TENM3: variants seen among roughly 807,000 people sequenced by gnomAD.
The protein encoded by TENM3 is teneurin transmembrane protein 3.
Under a neutral mutation model 255.1 loss-of-function variants are expected in TENM3, and 63 were observed. The ratio of observed to expected loss-of-function variants is 0.25; its 90% CI spans 0.20 to 0.30. The LOEUF (loss-of-function observed/expected upper bound fraction) is 0.30. Among genes scored for constraint, TENM3 ranks in the 10% least tolerant of loss-of-function variants. The pLI is 1.00. For synonymous variants in TENM3, 1,306 were observed against 1,322.3 expected (o/e 0.99, Z 0.27); for missense variants, 2,929 against 3,461.1 (o/e 0.85, Z 3.86).
the TENM3 span, among the ~76,000 whole-genome samples, chr4:181,962,284 A>T: frequency 6.6e-6 from 1 of 152,238 alleles, no homozygotes; most frequent in Non-Finnish European, 1.5e-5. Flanking sequence ...GTCAGCCAGG[A>T]TCCAAATTCC....
chr4:181,833,797 T>A, the TENM3 span, among the ~76,000 whole-genome samples: 1 of 152,158 alleles, frequency 6.6e-6, no homozygotes, highest in African/African-American at 2.4e-5. Flanking sequence ...GAGATTGGAA[T>A]TACTCGGTAA....
chr4:182,450,996 C>T (rs948585562), intron 3 of TENM3, among the ~76,000 whole-genome samples: 2 of 152,094 alleles, frequency 1.3e-5, no homozygotes, highest in Admixed American at 1.3e-4. Flanking sequence ...TGTGAATGGA[C>T]GTATTTCCAG....
In TENM3 at chr4:182,796,738, G is replaced by C; in HGVS notation, c.7315G>C (p.Val2439Leu). 1.2e-6 allele frequency: 2 copies of C among 1,610,786 alleles called. No homozygotes were observed. Among genetic ancestry groups the C allele is most frequent in the Non-Finnish European group, 1.7e-6 (2 of 1,178,324 alleles). ...FDLTEPSYEL[V>L]KSQQWDDIPP... ...TTTAACAGAACCTTCTTACGAACTT[G>C]TGAAGAGTCAGCAGTGGGATGATAT... The change falls in exon 27 of 28, where the codon GTG becomes CTG. Residue 2439 changes from valine (V) to leucine (L), a missense_variant. Val to Leu is a conservative substitution (Grantham distance 32, BLOSUM62 1). Transcript: ENST00000511685.
the TENM3 span, among the ~76,000 whole-genome samples, chr4:182,122,688 G>A: frequency 2.0e-5 from 3 of 152,084 alleles, no homozygotes; most frequent in Non-Finnish European, 2.9e-5. Flanking sequence ...ATAATTTTAA[G>A]GGCCTTAGGA....
the TENM3 span, among the ~76,000 whole-genome samples, chr4:181,666,335 T>C: frequency 6.6e-6 from 1 of 152,126 alleles, no homozygotes; most frequent in East Asian, 1.9e-4. Context: ...CACCAGAAAA[T>C]GTATTATACA....
At chr4:181,641,544 TGG>T in the TENM3 span, among the ~76,000 whole-genome samples, 1 of 18,622 alleles carries the variant, frequency 5.4e-5, no homozygotes. Flanking sequence ...TAGTATTCCA[TGG>T]TGTGTGTGTA....
chr4:181,645,297 G>A, the TENM3 span, among the ~76,000 whole-genome samples: 87 of 152,204 alleles, frequency 5.7e-4, no homozygotes, highest in African/African-American at 1.6e-3. Context: ...CTATCAGCCC[G>A]TTTCCCAGGA....
the TENM3 span, among the ~76,000 whole-genome samples, chr4:181,550,435 A>C: frequency 6.6e-6 from 1 of 152,332 alleles, no homozygotes; most frequent in South Asian, 2.1e-4. Flanking sequence ...CTCTACCAAA[A>C]GAACTAAATA....
the TENM3 span, among the ~76,000 whole-genome samples, chr4:181,657,389 T>C: frequency 6.6e-6 from 1 of 152,126 alleles, no homozygotes; most frequent in Non-Finnish European, 1.5e-5. Context: ...AAAGAAGACA[T>C]ACAAGTGGCC....
At chr4:182,410,459 G>T (rs1289933109) in intron 3 of TENM3, among the ~76,000 whole-genome samples, 3 of 152,228 alleles carry the variant, frequency 2.0e-5, no homozygotes, top group Non-Finnish European at 2.9e-5. Context: ...GTCTCCCGAG[G>T]CTCACAGTAT....
At chr4:181,641,385 C>G in the TENM3 span, among the ~76,000 whole-genome samples, 2 of 150,928 alleles carry the variant, frequency 1.3e-5, no homozygotes, top group Non-Finnish European at 2.9e-5. Flanking sequence ...TCCCTGTGTC[C>G]ACGTTTGCTC....
the TENM3 span, among the ~76,000 whole-genome samples, chr4:181,831,559 G>T: frequency 6.7e-6 from 1 of 149,106 alleles, no homozygotes; most frequent in African/African-American, 2.5e-5. Flanking sequence ...GGAATTTTAT[G>T]TGTACTGTAA....
the TENM3 span, among the ~76,000 whole-genome samples, chr4:181,829,588 G>C: frequency 2.6e-5 from 4 of 152,156 alleles, no homozygotes; most frequent in African/African-American, 9.7e-5. Context: ...AAATGAAAAG[G>C]ACAGTCTCAC....
chr4:182,378,095 AGCT>A (rs10599920), intron 3 of TENM3, among the ~76,000 whole-genome samples: 84,411 of 151,674 alleles, frequency 0.56, 23,791 homozygotes, highest in African/African-American at 0.61. Flanking sequence ...GATTGGGAGT[AGCT>A]GCTCCCTTTC....
At chr4:181,617,182 A>G in the TENM3 span, among the ~76,000 whole-genome samples, 1 of 152,236 alleles carries the variant, frequency 6.6e-6, no homozygotes, top group Admixed American at 6.5e-5. Context: ...TTAGATTTAG[A>G]GAAATTTATT....
intron 3 of TENM3, among the ~76,000 whole-genome samples, chr4:182,354,195 T>C (rs1365778759): frequency 6.6e-6 from 1 of 152,204 alleles, no homozygotes; most frequent in Non-Finnish European, 1.5e-5. Context: ...GTTCTAAGTG[T>C]TTTTGTTAAA....
the TENM3 span, among the ~76,000 whole-genome samples, chr4:181,634,409 A>C: frequency 5.8e-5 from 8 of 137,922 alleles, no homozygotes; most frequent in African/African-American, 2.2e-4. Context: ...TTTTTGCAAG[A>C]GACTTTATTT....
At chr4:182,454,514 G>A (rs1267768010) in intron 3 of TENM3, among the ~76,000 whole-genome samples, 1 of 152,118 alleles carries the variant, frequency 6.6e-6, no homozygotes, top group Non-Finnish European at 1.5e-5. Context: ...TTTTCAAACT[G>A]TTTTTAAGCT....
chr4:182,430,314 C>T lies in TENM3; in HGVS notation c.511+83385C>T, dbSNP rs532855804. 5.9e-5 allele frequency among the ~76,000 whole-genome samples: 9 copies of T among 151,986 alleles called. No homozygotes were observed. The East Asian group carries it at 1.8e-3, about 30-fold the overall frequency. Reference sequence around the variant, plus strand: ...CTGTAATCCCAGCACTTTAGGAGGCCGAGGCAGGCGGATCACGAGGTCAGG... The same window carrying T: ...CTGTAATCCCAGCACTTTAGGAGGCTGAGGCAGGCGGATCACGAGGTCAGG... On this transcript the variant is annotated intron_variant, in intron 3 of 27. Transcript: ENST00000511685.
Sources: allele counts gnomAD v4.1 joint callset (sites outside exome capture counted in the v4.1 genomes callset), GRCh38; gene constraint gnomAD v4.1.1; transcripts MANE v1.5; gene names NCBI Gene and HGNC (gene_info 2026-07-23, HGNC 2026-07-21).